Variants in RAD51B observed in about 807,000 individuals in gnomAD.
RAD51B encodes the protein RAD51 paralog B.
Under a neutral mutation model 42.2 loss-of-function variants are expected in RAD51B, and 38 were observed. The observed-to-expected ratio is 0.90, with a 90% CI of 0.70 to 1.18. The LOEUF (loss-of-function observed/expected upper bound fraction) is 1.18, where lower values mean the gene tolerates loss of function less well. Ranked by LOEUF, RAD51B falls within the 50% of genes most tolerant of loss-of-function variation. The pLI is 0.00. For synonymous variants in RAD51B, 154 were observed against 145.2 expected (o/e 1.06, Z -0.43); for missense variants, 373 against 400.7 (o/e 0.93, Z 0.59).
chr14:68,532,126 A>G (rs1386104389), intron 10 of RAD51B, among the ~76,000 whole-genome samples: 1 of 152,252 alleles, frequency 6.6e-6, no homozygotes, highest in Non-Finnish European at 1.5e-5. Flanking sequence ...ACTTATAGAG[A>G]TATTTTCTGA....
At chr14:68,505,323 CCA>C (rs1229285762) in intron 10 of RAD51B, among the ~76,000 whole-genome samples, 1 of 152,100 alleles carries the variant, frequency 6.6e-6, no homozygotes, top group Non-Finnish European at 1.5e-5. Flanking sequence ...AAGGACTCTG[CCA>C]CAGAGGTGAG....
chr14:68,418,772 A>G (rs1339944489), intron 9 of RAD51B, among the ~76,000 whole-genome samples: 2 of 152,202 alleles, frequency 1.3e-5, no homozygotes, highest in African/African-American at 2.4e-5. Context: ...ATTGGACAGG[A>G]TGTTTTATTT....
At chr14:68,132,737 A>C (rs1444595453) in intron 7 of RAD51B, among the ~76,000 whole-genome samples, 1 of 152,198 alleles carries the variant, frequency 6.6e-6, no homozygotes, top group African/African-American at 2.4e-5. Flanking sequence ...CTTCTCTCAG[A>C]GTATTAGCTC....
chr14:68,058,373 G>A (rs924862326), intron 7 of RAD51B, among the ~76,000 whole-genome samples: 8 of 152,108 alleles, frequency 5.3e-5, no homozygotes, highest in African/African-American at 1.9e-4. Context: ...AGTAGAGTAG[G>A]CAATACGTGT....
intron 10 of RAD51B, among the ~76,000 whole-genome samples, chr14:68,521,502 G>A (rs1886577421): frequency 6.6e-6 from 1 of 152,214 alleles, no homozygotes; most frequent in Non-Finnish European, 1.5e-5. Context: ...AAGTGTGTAG[G>A]TATTAGGAAG....
intron 7 of RAD51B, among the ~76,000 whole-genome samples, chr14:68,049,268 A>T (rs1388330247): frequency 6.6e-6 from 1 of 152,202 alleles, no homozygotes; most frequent in Non-Finnish European, 1.5e-5. Context: ...ATGACGAGTT[A>T]ATGGGTGTAG....
intron 7 of RAD51B, among the ~76,000 whole-genome samples, chr14:68,285,073 G>T (rs941249231): frequency 6.6e-6 from 1 of 152,148 alleles, no homozygotes; most frequent in African/African-American, 2.4e-5. Flanking sequence ...ACAGGTTGGG[G>T]CAGACACCGT....
chr14:67,890,789 C>T (rs1052256069), intron 7 of RAD51B, among the ~76,000 whole-genome samples: 11 of 152,116 alleles, frequency 7.2e-5, no homozygotes, highest in African/African-American at 2.7e-4. Flanking sequence ...GTCATATTTA[C>T]ATTCATTGGA....
At chr14:68,661,356 T>C (rs1032454200) in intron 11 of RAD51B, among the ~76,000 whole-genome samples, 4 of 152,192 alleles carry the variant, frequency 2.6e-5, no homozygotes, top group African/African-American at 7.2e-5. Flanking sequence ...TGTCTGTTGC[T>C]GTTGCTGCAC....
At chr14:68,074,964 G>C (rs1227678209) in intron 7 of RAD51B, among the ~76,000 whole-genome samples, 2 of 152,208 alleles carry the variant, frequency 1.3e-5, no homozygotes, top group Non-Finnish European at 2.9e-5. Flanking sequence ...TCTCACACTT[G>C]AGTGCTGGCT....
intron 10 of RAD51B, among the ~76,000 whole-genome samples, chr14:68,649,588 C>G (rs1267502058): frequency 6.6e-6 from 1 of 152,198 alleles, no homozygotes; most frequent in Non-Finnish European, 1.5e-5. Flanking sequence ...ATTTATCTTA[C>G]TTAACCTTAG....
intron 10 of RAD51B, among the ~76,000 whole-genome samples, chr14:68,488,276 T>TGCA (rs904726328): frequency 6.7e-5 from 10 of 149,066 alleles, no homozygotes; most frequent in Admixed American, 2.7e-4. Flanking sequence ...TAAAAAGAGT[T>TGCA]GCAAAAAGAG....
chr14:67,823,621 C>A lies in RAD51B; in HGVS notation c.78C>A (p.Thr26=), dbSNP rs776369272. The A allele has an allele frequency of 6.2e-7, 1 of 1,610,680 alleles. No homozygotes were observed. Among genetic ancestry groups the A allele is most frequent in the Non-Finnish European group, 8.5e-7 (1 of 1,178,302 alleles). Residue 26 remains threonine (T), a synonymous_variant, in exon 2 of 11, where the codon ACC becomes ACA. Transcript: ENST00000471583. ...GTCTGAGTAGACATCAGATCCTTAC[C>A]TGTCAGGTAAATTTTATTTAACATT... The part of the protein sequence containing the change: ...CDRLSRHQIL[T]CQDFLCLSPL...
At chr14:68,102,254 T>C (rs998521152) in intron 7 of RAD51B, among the ~76,000 whole-genome samples, 3 of 152,208 alleles carry the variant, frequency 2.0e-5, no homozygotes, top group Non-Finnish European at 4.4e-5. Flanking sequence ...ATTTTCTCCA[T>C]TGTCTTGGCA....
downstream of RAD51B, among the ~76,000 whole-genome samples, chr14:68,611,741 A>C (rs1434469038): frequency 1.3e-5 from 2 of 152,178 alleles, no homozygotes; most frequent in South Asian, 4.1e-4. Context: ...TATTCTTTGC[A>C]CCTGGGCACA....
intron 8 of RAD51B, chr14:68,338,738 T>C: frequency 4.7e-6 from 2 of 424,426 alleles, no homozygotes; most frequent in Non-Finnish European, 9.0e-6. Context: ...TTAACCCAGT[T>C]CAGTGGCAAA....
At chr14:67,850,401 G>A (rs112437235) in intron 4 of RAD51B, among the ~76,000 whole-genome samples, 22 of 151,984 alleles carry the variant, frequency 1.4e-4, no homozygotes, top group African/African-American at 5.1e-4. Flanking sequence ...CTCACTAAAG[G>A]GTGTGACTTA....
chr14:68,015,620 A>G (rs150786447), intron 7 of RAD51B, among the ~76,000 whole-genome samples: 1 of 152,248 alleles, frequency 6.6e-6, no homozygotes, highest in African/African-American at 2.4e-5. Flanking sequence ...CACTATCATG[A>G]GAACAGCATG....
chr14:68,075,221 A>G (rs2076813056), intron 7 of RAD51B, among the ~76,000 whole-genome samples: 1 of 152,162 alleles, frequency 6.6e-6, no homozygotes, highest in South Asian at 2.1e-4. Flanking sequence ...GGGGAGTGAG[A>G]GATTCACAGG....
Sources: gnomAD v4.1 joint callset for allele counts (sites outside exome capture counted in the v4.1 genomes callset) on GRCh38, gnomAD v4.1.1 for gene constraint, MANE v1.5 for transcripts, NCBI Gene and HGNC (gene_info 2026-07-23, HGNC 2026-07-21) for gene names.